PCNT: variants seen among roughly 807,000 people sequenced by gnomAD.
PCNT encodes kendrin.
A neutral mutation model predicts 380.4 loss-of-function variants in PCNT; 319 were observed. That is an observed-to-expected ratio of 0.84 (90% CI 0.77 to 0.92). The LOEUF (loss-of-function observed/expected upper bound fraction) is 0.92. Ranked by LOEUF, PCNT falls within the 40% of genes least tolerant of loss-of-function variation. The pLI is 0.00. For missense variants in PCNT, 4,400 were observed against 4,255.3 expected, an observed-to-expected ratio of 1.03 and a Z score of -0.95; for synonymous variants, 1,845 against 1,735.2, an observed-to-expected ratio of 1.06 and a Z score of -1.57.
intron 3 of PCNT, among the ~76,000 whole-genome samples, chr21:46,339,169 G>A (rs2146436966): frequency 6.6e-6 from 1 of 152,270 alleles, no homozygotes; most frequent in East Asian, 1.9e-4. Flanking sequence ...GCTCACCTCG[G>A]CCTCCCAAAG....
At chr21:46,359,842 C>G (rs191121800) in intron 13 of PCNT, among the ~76,000 whole-genome samples, 2 of 151,188 alleles carry the variant, frequency 1.3e-5, no homozygotes, top group Admixed American at 1.3e-4. Flanking sequence ...TCTGGTGTAT[C>G]TTTTTTTATT....
intron 3 of PCNT, among the ~76,000 whole-genome samples, 168 bp from the exon 4 acceptor site, chr21:46,345,960 C>CA (rs1235858288): frequency 6.6e-6 from 1 of 152,214 alleles, no homozygotes; most frequent in Admixed American, 6.5e-5. Context: ...AACCATTCAT[C>CA]CCTCAGGAGG....
Position 46,422,127 on chromosome 21 carries a change from A to C in PCNT, c.7179+3A>C, listed in dbSNP as rs1225684216. ...AAGTGCGTCCGAAGCACGTGAAGGT[A>C]TGGCTGGCAGGGGCGGCCCTCACAG... is the stretch of plus-strand genomic sequence containing the variant. On this transcript the variant is annotated splice_donor_region_variant and intron_variant, in intron 32 of 46. Coordinates refer to ENST00000359568, the MANE Select transcript of PCNT (RefSeq NM_006031.6). 6.2e-7 allele frequency: 1 copy of C among 1,613,300 alleles called. No homozygotes were observed. The highest frequency in any genetic ancestry group is 8.5e-7 in the Non-Finnish European group (1 of 1,180,004).
At chr21:46,442,073 C>T (rs781078211) in intron 43 of PCNT, among the ~76,000 whole-genome samples, 1 of 152,140 alleles carries the variant, frequency 6.6e-6, no homozygotes, top group Non-Finnish European at 1.5e-5. Context: ...CTGGGGTCTC[C>T]GTGTTCTGAG....
At chr21:46,372,246 T>C (rs1039821584) in intron 15 of PCNT, among the ~76,000 whole-genome samples, 1 of 148,190 alleles carries the variant, frequency 6.7e-6, no homozygotes, top group African/African-American at 2.5e-5. Flanking sequence ...CACATGCACA[T>C]ACACAGCACA....
intron 27 of PCNT, among the ~76,000 whole-genome samples, chr21:46,405,655 C>T (rs1256364005): frequency 6.6e-6 from 1 of 152,054 alleles, no homozygotes; most frequent in Non-Finnish European, 1.5e-5. Context: ...GAGATTGCGC[C>T]ACTGCACTGC....
intron 13 of PCNT, among the ~76,000 whole-genome samples, chr21:46,363,160 A>C (rs2084778710): frequency 6.6e-6 from 1 of 152,136 alleles, no homozygotes; most frequent in African/African-American, 2.4e-5. Context: ...TGAACAAAGA[A>C]GCCTCCGGCT....
chr21:46,427,471 TCTG>T, intron 33 of PCNT, 148 bp from the exon 34 acceptor site: 2 of 807,518 alleles, frequency 2.5e-6, no homozygotes, highest in Non-Finnish European at 4.1e-6. Flanking sequence ...GCGAGTGAGC[TCTG>T]GTGTCTCTTC....
intron 35 of PCNT, 109 bp from the exon 36 acceptor site, chr21:46,429,901 C>A: frequency 1.2e-6 from 1 of 816,102 alleles, no homozygotes; most frequent in Non-Finnish European, 2.0e-6. Flanking sequence ...CTCCTTTCTT[C>A]CCGAAGCACA....
Position 46,401,697 on chromosome 21 carries a change from A to G in PCNT, c.4938A>G (p.Arg1646=), listed in dbSNP as rs781428814. ...AAATACAGTTAGAGGTGACACAGAG[A>G]GCACTCCTGCGGCGCGAGAGCGAGG... ...GPEIQLEVTQ[R]ALLRRESEVL... The change falls in exon 26 of 47, where the codon AGA becomes AGG. Residue 1646 remains arginine, a synonymous_variant. Transcript: ENST00000359568. 2.2e-5 allele frequency: 36 copies of G among 1,613,656 alleles called. No homozygotes were observed. Among genetic ancestry groups the G allele is most frequent in the Non-Finnish European group, 3.0e-5 (35 of 1,179,988 alleles).
At chr21:46,380,001 A>G (rs1876186260) in intron 15 of PCNT, among the ~76,000 whole-genome samples, 1 of 152,136 alleles carries the variant, frequency 6.6e-6, no homozygotes, top group African/African-American at 2.4e-5. Flanking sequence ...AGCTTTCCAG[A>G]GGCCCCTGTG....
In PCNT at chr21:46,326,402, CA is replaced by C; in HGVS notation, c.84del (p.Gly29ValfsTer28). ...CTTGCTCACTTCCGACAGAGAAAAACAAAAGGTGACAGTTCGCATTCGGAGA... is the reference window on the plus strand; with the variant it reads ...CTTGCTCACTTCCGACAGAGAAAAACAAAGGTGACAGTTCGCATTCGGAGA... ...TKLAHFRQRKTKGDSSHSEKK... is the reference protein window; with the variant it reads ...TKLAHFRQRKXKGDSSHSEKK... On this transcript the variant is annotated frameshift_variant, in exon 2 of 47. Transcript: ENST00000359568. LOFTEE classifies it high-confidence loss of function. 1.9e-6 allele frequency: 3 copies of C among 1,614,182 alleles called. No individual in the cohort carries two copies. The highest frequency in any genetic ancestry group is 2.5e-6 in the Non-Finnish European group (3 of 1,180,028).
chr21:46,436,642 T>C (rs892379887), intron 39 of PCNT, among the ~76,000 whole-genome samples: 2 of 152,174 alleles, frequency 1.3e-5, no homozygotes, highest in Non-Finnish European at 1.5e-5. Context: ...TTGGACTTAA[T>C]GTATAGAGCA....
chr21:46,342,187 A>G (rs571312410), intron 3 of PCNT, among the ~76,000 whole-genome samples: 7 of 151,562 alleles, frequency 4.6e-5, no homozygotes, highest in Non-Finnish European at 8.8e-5. Flanking sequence ...GCTCACTGCA[A>G]CCTCTGCCTC....
chr21:46,374,212 C>G (rs981674260), intron 15 of PCNT, among the ~76,000 whole-genome samples: 2 of 152,096 alleles, frequency 1.3e-5, no homozygotes, highest in Non-Finnish European at 2.9e-5. Flanking sequence ...GGTGCACGTT[C>G]AATACATCAG....
intron 13 of PCNT, among the ~76,000 whole-genome samples, chr21:46,361,268 A>G (rs1490555129): frequency 6.6e-6 from 1 of 152,196 alleles, no homozygotes; most frequent in Non-Finnish European, 1.5e-5. Context: ...GTGCATGCCT[A>G]TAATCCCAGC....
intron 30 of PCNT, among the ~76,000 whole-genome samples, chr21:46,417,308 C>T (rs1188704451): frequency 6.7e-6 from 1 of 149,864 alleles, no homozygotes; most frequent in Admixed American, 6.8e-5. Flanking sequence ...AAATCTCCTG[C>T]CTCAGCCTCC....
rs2087353137 is a variant in PCNT, at chr21:46,423,709, GA to G, written c.7179+1586del. 6.3e-4 allele frequency among the ~76,000 whole-genome samples: 48 copies of G among 75,796 alleles called. 1 individual carries two copies. Among genetic ancestry groups the G allele is most frequent in the Middle Eastern group, 5.5e-3 (1 of 182 alleles). The allele number at this position is 75,796 out of a possible 152,430, so 49.7% of individuals were successfully genotyped here. On this transcript the variant is annotated intron_variant, in intron 32 of 46. Coordinates refer to ENST00000359568, the MANE Select transcript of PCNT (RefSeq NM_006031.6). ...GCTGCGAAGCAGAGGAGGAGGGGGA[GA>G]GGAGGAGGAAGAGAAGGGGAGGGGG... is the stretch of plus-strand genomic sequence containing the variant.
At chr21:46,339,327 G>A (rs1385651309) in intron 3 of PCNT, among the ~76,000 whole-genome samples, 4 of 152,166 alleles carry the variant, frequency 2.6e-5, no homozygotes, top group African/African-American at 7.2e-5. Context: ...GTTCACTGCC[G>A]TGGCCACCCT....
Sources: gnomAD v4.1 joint callset for allele counts (sites outside exome capture counted in the v4.1 genomes callset) on GRCh38, gnomAD v4.1.1 for gene constraint, MANE v1.5 for transcripts, NCBI Gene and HGNC (gene_info 2026-07-23, HGNC 2026-07-21) for gene names.